Variants in PEAK1 observed in about 807,000 individuals in gnomAD.
PEAK1 encodes pseudopodium enriched atypical kinase 1.
Under a neutral mutation model 124.7 loss-of-function variants are expected in PEAK1, and 54 were observed. The observed-to-expected ratio is 0.43, with a 90% CI of 0.35 to 0.54. The LOEUF is 0.54. PEAK1 is among the 20% of genes least tolerant of loss of function. The pLI is 0.01. For missense variants in PEAK1, 2,046 were observed against 2,134.5 expected (o/e 0.96, Z 0.82); for synonymous variants, 719 against 760.0 (o/e 0.95, Z 0.89).
chr15:77,132,086 T>C (rs2152739565), intron 9 of PEAK1, among the ~76,000 whole-genome samples: 1 of 152,070 alleles, frequency 6.6e-6, no homozygotes, highest in African/African-American at 2.4e-5. Flanking sequence ...AAGGGTTACC[T>C]ACTTTTTTTT....
chr15:77,413,286 T>C (rs562182253), intron 1 of PEAK1, among the ~76,000 whole-genome samples: 26 of 152,332 alleles, frequency 1.7e-4, no homozygotes, highest in African/African-American at 6.3e-4. Context: ...GAGTTTAATT[T>C]CCATCCCTTT....
At position 77,181,519 on chromosome 15, in the gene PEAK1, A is replaced by G; in HGVS notation, c.408T>C (p.Asn136=). The part of the protein sequence containing the change: ...ISHVPKPYGN[N]DSAKKMSDNN... Reference sequence around the variant, plus strand: ...TATCTGACATCTTCTTTGCACTATCATTATTGCCATAAGGCTTAGGAACAT... The same window carrying G: ...TATCTGACATCTTCTTTGCACTATCGTTATTGCCATAAGGCTTAGGAACAT... Residue 136 remains asparagine, a synonymous_variant, in exon 7 of 10, where the codon AAT becomes AAC. Transcript: ENST00000682557. 2.5e-6 allele frequency: 4 copies of G among 1,614,014 alleles called. No homozygotes were observed. Among genetic ancestry groups the G allele is most frequent in the Non-Finnish European group, 3.4e-6 (4 of 1,180,000 alleles).
At chr15:77,117,217 C>T (rs117205319) in intron 9 of PEAK1, among the ~76,000 whole-genome samples, 1 of 152,304 alleles carries the variant, frequency 6.6e-6, no homozygotes, top group Non-Finnish European at 1.5e-5. Context: ...TGGTTAAACT[C>T]TAGCTGTTAC....
intron 6 of PEAK1, among the ~76,000 whole-genome samples, chr15:77,247,229 T>C (rs890252672): frequency 6.6e-6 from 1 of 152,142 alleles, no homozygotes; most frequent in African/African-American, 2.4e-5. Flanking sequence ...CATTTTTCTT[T>C]TTTTGCTTAA....
chr15:77,119,047 G>GGTTGAATCTACTTATAAA (rs757232136), intron 9 of PEAK1, among the ~76,000 whole-genome samples: 2 of 150,912 alleles, frequency 1.3e-5, no homozygotes, highest in Non-Finnish European at 1.5e-5. Flanking sequence ...ACAAAACCAG[G>GGTTGAATCTACTTATAAA]CTGCTGAAGG....
intron 2 of PEAK1, among the ~76,000 whole-genome samples, chr15:77,343,669 A>G (rs1341990485): frequency 6.6e-6 from 1 of 151,756 alleles, no homozygotes; most frequent in Non-Finnish European, 1.5e-5. Flanking sequence ...TATTTTTTAT[A>G]CAGATGGGAT....
chr15:77,361,316 T>C (rs2067871439), intron 2 of PEAK1, among the ~76,000 whole-genome samples: 2 of 152,282 alleles, frequency 1.3e-5, no homozygotes, highest in African/African-American at 4.8e-5. Flanking sequence ...GGTACATACC[T>C]GTAGTCCTGT....
chr15:77,323,231 G>A (rs902129965), intron 2 of PEAK1, among the ~76,000 whole-genome samples: 1 of 152,166 alleles, frequency 6.6e-6, no homozygotes, highest in Non-Finnish European at 1.5e-5. Context: ...ACAAGACAGG[G>A]ATGCCCTCTC....
chr15:77,351,921 T>C, intron 2 of PEAK1: 5 of 985,350 alleles, frequency 5.1e-6, no homozygotes, highest in Non-Finnish European at 6.0e-6. Context: ...GTAGACCTAT[T>C]ATAAGATTAT....
chr15:77,353,042 G>T, intron 2 of PEAK1: 1 of 980,668 alleles, frequency 1.0e-6, no homozygotes, highest in South Asian at 4.7e-5. Flanking sequence ...AGAAAACCAT[G>T]AACCCTCTGA....
intron 2 of PEAK1, among the ~76,000 whole-genome samples, chr15:77,313,686 G>GTATATATATATATATATATATATA (rs2064652632): frequency 8.3e-6 from 1 of 120,904 alleles, no homozygotes; most frequent in African/African-American, 3.7e-5. Flanking sequence ...GTGTGTGTGT[G>GTATATATATATATATATATATATA]TGTGTGTATA....
intron 5 of PEAK1, among the ~76,000 whole-genome samples, chr15:77,257,621 A>ATAT (rs1176683103): frequency 6.6e-6 from 1 of 151,324 alleles, no homozygotes; most frequent in Non-Finnish European, 1.5e-5. Flanking sequence ...TAGATTCTGG[A>ATAT]TATTAGCCCT....
intron 1 of PEAK1, among the ~76,000 whole-genome samples, chr15:77,392,119 T>C (rs1000173437): frequency 2.0e-5 from 3 of 152,212 alleles, no homozygotes; most frequent in Non-Finnish European, 1.5e-5. Flanking sequence ...TGTAGTTCAT[T>C]CATTTTTGCA....
intron 2 of PEAK1, among the ~76,000 whole-genome samples, chr15:77,308,321 A>G (rs1420350281): frequency 1.3e-5 from 2 of 152,106 alleles, no homozygotes; most frequent in African/African-American, 4.8e-5. Flanking sequence ...AAGCTAATGG[A>G]CAGGAAGCAT....
chr15:77,243,016 C>A (rs965548291), intron 6 of PEAK1, among the ~76,000 whole-genome samples: 1 of 152,106 alleles, frequency 6.6e-6, no homozygotes, highest in African/African-American at 2.4e-5. Flanking sequence ...TAACTAGGCC[C>A]AACATTGTGA....
intron 5 of PEAK1, among the ~76,000 whole-genome samples, chr15:77,265,949 C>T (rs2061701515): frequency 6.6e-6 from 1 of 152,174 alleles, no homozygotes; most frequent in African/African-American, 2.4e-5. Flanking sequence ...AGTTCATGTC[C>T]TTTGTAGGGA....
At chr15:77,203,710 CA>C (rs34002668) in intron 6 of PEAK1, among the ~76,000 whole-genome samples, 2,541 of 124,124 alleles carry the variant, frequency 0.02, 16 homozygotes, top group African/African-American at 0.026. Flanking sequence ...ACTGGACATC[CA>C]AAAAAAAAAA....
chr15:77,230,230 T>C (rs1195826232), intron 6 of PEAK1, among the ~76,000 whole-genome samples: 1 of 151,602 alleles, frequency 6.6e-6, no homozygotes, highest in Non-Finnish European at 1.5e-5. Flanking sequence ...CACGGAGTCT[T>C]GATCTGTTGC....
At chr15:77,335,055 G>T in intron 2 of PEAK1, 1 of 985,410 alleles carries the variant, frequency 1.0e-6, no homozygotes, top group Non-Finnish European at 1.2e-6. Flanking sequence ...ATGTGGACAG[G>T]TTTCTTCTAG....
Sources: allele counts gnomAD v4.1 joint callset (sites outside exome capture counted in the v4.1 genomes callset), GRCh38; gene constraint gnomAD v4.1.1; transcripts MANE v1.5; gene names NCBI Gene and HGNC (gene_info 2026-07-23, HGNC 2026-07-21).